WNK1: variants seen among roughly 807,000 people sequenced by gnomAD.
WNK1 encodes the protein WNK lysine deficient protein kinase 1, also known as serine/threonine-protein kinase WNK1.
WNK1 carries 38 observed loss-of-function variants against 222.8 expected under a neutral mutation model. The ratio of observed to expected loss-of-function variants is 0.17; its 90% confidence interval spans 0.13 to 0.22. WNK1 has a LOEUF of 0.22. WNK1 is among the 10% of genes least tolerant of loss of function. WNK1 has a pLI of 1.00. For missense variants in WNK1, 2,348 were observed against 2,918.4 expected, an observed-to-expected ratio of 0.80 and a Z score of 4.50; for synonymous variants, 1,090 against 1,092.9, an observed-to-expected ratio of 1.00 and a Z score of 0.05.
chr12:905,790 C>G (rs1955645249), intron 26 of WNK1, among the ~76,000 whole-genome samples: 1 of 152,176 alleles, frequency 6.6e-6, no homozygotes, highest in African/African-American at 2.4e-5. Flanking sequence ...CTCGCGTTTC[C>G]TGTACTGTAG....
chr12:759,884 A>G (rs895008582), intron 1 of WNK1, among the ~76,000 whole-genome samples: 4 of 148,254 alleles, frequency 2.7e-5, no homozygotes, highest in Non-Finnish European at 4.5e-5. Flanking sequence ...ATGAACATAT[A>G]TAAAACATGT....
intron 1 of WNK1, among the ~76,000 whole-genome samples, chr12:811,593 T>C (rs2154007468): frequency 6.6e-6 from 1 of 152,314 alleles, no homozygotes; most frequent in Admixed American, 6.5e-5. Flanking sequence ...ACCCCAGGTG[T>C]TCCTTCTGAT....
At position 881,012 on chromosome 12, in the gene WNK1, A is replaced by C; in HGVS notation, c.3111+13A>C. 1 of 1,614,120 alleles carries C rather than the reference A, an allele frequency of 6.2e-7. No homozygotes were observed. The highest frequency in any genetic ancestry group is 8.5e-7 in the Non-Finnish European group (1 of 1,180,006). ...AGCAGTTTTGGAGGTAAATAGAATT[A>C]CTGCATGTTTATATGTAAAACGTAT... On this transcript the variant is annotated intron_variant, in intron 12 of 27. Coordinates refer to ENST00000315939, the MANE Select transcript of WNK1 (RefSeq NM_018979.4).
rs1343142524 is a variant in WNK1 at position 865,106 on chromosome 12, T to C, written c.2139+2836T>C. On this transcript the variant is annotated intron_variant, in intron 8 of 27. Transcript: ENST00000315939. ...TTTCATGTGTGTGTTTGTTTTGTGT[T>C]GAGCCTCGTCGTGGCCGTAGCATGT... 3.5e-5 allele frequency: 53 copies of C among 1,507,406 alleles called. No individual in the cohort carries two copies. Among genetic ancestry groups the C allele is most frequent in the Non-Finnish European group, 4.1e-5 (46 of 1,130,434 alleles). The allele number at this position is 1,507,406 out of a possible 1,614,324, so 93.4% of individuals were successfully genotyped here. A position where few individuals can be genotyped will look rare whatever the true frequency, so the allele number is the denominator to read the frequency against.
intron 1 of WNK1, among the ~76,000 whole-genome samples, chr12:776,260 C>G (rs1322128640): frequency 6.6e-6 from 1 of 152,046 alleles, no homozygotes; most frequent in African/African-American, 2.4e-5. Flanking sequence ...GTCTCCAACT[C>G]TTGGCCACAA....
At chr12:844,526 G>A (rs1334535995) in intron 4 of WNK1, among the ~76,000 whole-genome samples, 1 of 152,136 alleles carries the variant, frequency 6.6e-6, no homozygotes, top group Non-Finnish European at 1.5e-5. Flanking sequence ...TTGGAACTGT[G>A]CTAGAATCCT....
intron 1 of WNK1, among the ~76,000 whole-genome samples, chr12:756,000 A>T (rs754734199): frequency 6.6e-6 from 1 of 152,214 alleles, no homozygotes; most frequent in Non-Finnish European, 1.5e-5. Flanking sequence ...AACAACAACA[A>T]AAAAACTTAT....
intron 1 of WNK1, among the ~76,000 whole-genome samples, chr12:758,448 C>T (rs1311174412): frequency 6.5e-5 from 7 of 108,262 alleles, no homozygotes; most frequent in African/African-American, 1.3e-4. Flanking sequence ...ACTGCAGTGG[C>T]GCAATCTCGG....
At chr12:891,735 C>A (rs1458073739) in intron 22 of WNK1, among the ~76,000 whole-genome samples, 1 of 151,252 alleles carries the variant, frequency 6.6e-6, no homozygotes, top group Admixed American at 6.6e-5. Flanking sequence ...CACTATTTTA[C>A]AGTAAAACTA....
chr12:825,719 C>T (rs1204646564), intron 2 of WNK1, among the ~76,000 whole-genome samples: 1 of 151,796 alleles, frequency 6.6e-6, no homozygotes, highest in Non-Finnish European at 1.5e-5. Flanking sequence ...ATAGAAATTA[C>T]AAAAATTAAA....
chr12:890,076 C>T (rs1465840932), intron 21 of WNK1, among the ~76,000 whole-genome samples: 1 of 151,674 alleles, frequency 6.6e-6, no homozygotes, highest in African/African-American at 2.4e-5. Context: ...CCTCAGCCTC[C>T]CGAGTAGCTG....
Position 907,962 on chromosome 12 carries a change from G to A in WNK1, c.6759G>A (p.Leu2253=). ...KGTFTDDLHK[L]VDNWARDAMN... ...CATTCACAGATGACTTGCACAAGTT[G>A]GTAGACAATTGGGCCCGAGATGCCA... Residue 2253 remains leucine (L), a synonymous_variant, in exon 27 of 28, where the codon TTG becomes TTA. Coordinates refer to ENST00000315939, the MANE Select transcript of WNK1 (RefSeq NM_018979.4). The A allele has an allele frequency of 6.2e-7, 1 of 1,614,138 alleles. No homozygotes were observed. Among genetic ancestry groups the A allele is most frequent in the Non-Finnish European group, 8.5e-7 (1 of 1,180,016 alleles).
intron 10 of WNK1, among the ~76,000 whole-genome samples, chr12:878,772 T>G (rs901316161): frequency 1.6e-5 from 2 of 125,522 alleles, no homozygotes; most frequent in Non-Finnish European, 3.7e-5. Context: ...CTGCACTGTT[T>G]ACTGTGTGGA....
chr12:823,316 G>C (rs1464550642), intron 2 of WNK1, among the ~76,000 whole-genome samples: 1 of 152,022 alleles, frequency 6.6e-6, no homozygotes, highest in Non-Finnish European at 1.5e-5. Context: ...GTAGATTCAT[G>C]TCTTTTACTA....
rs910166853 is a variant in WNK1 at position 884,043 on chromosome 12, A to G, written c.3722-78A>G. 3.1e-6 allele frequency: 5 copies of G among 1,599,946 alleles called. No individual in the cohort carries two copies. Among genetic ancestry groups the G allele is most frequent in the Non-Finnish European group, 4.3e-6 (5 of 1,169,632 alleles). On this transcript the variant is annotated intron_variant, in intron 17 of 27. Coordinates refer to ENST00000315939, the MANE Select transcript of WNK1 (RefSeq NM_018979.4). The surrounding 1 kb of genome is among the most constrained non-coding windows in gnomAD (Gnocchi z 5.6). ...ACCGTGCCTCAAAAAAAGCAGTTGT[A>G]TGTGCCAATAATGAAGTCTAACAAT...
intron 1 of WNK1, among the ~76,000 whole-genome samples, chr12:809,928 A>G (rs1346117516): frequency 2.0e-5 from 3 of 152,106 alleles, no homozygotes; most frequent in Non-Finnish European, 2.9e-5. Context: ...CTTTATCCTA[A>G]TACCCAACAA....
At chr12:865,445 G>A (rs1482342105) in intron 8 of WNK1, 3 of 1,464,092 alleles carry the variant, frequency 2.0e-6, no homozygotes, top group African/African-American at 1.4e-5. Context: ...AATTAAAATT[G>A]AATAAAGAAC....
At chr12:789,714 G>T (rs1565433444) in intron 1 of WNK1, among the ~76,000 whole-genome samples, 1 of 152,016 alleles carries the variant, frequency 6.6e-6, no homozygotes, top group South Asian at 2.1e-4. Context: ...ACTTCTGAAA[G>T]CATAGAGTTT....
At chr12:794,302 A>C (rs1364478052) in intron 1 of WNK1, among the ~76,000 whole-genome samples, 9 of 152,172 alleles carry the variant, frequency 5.9e-5, no homozygotes, top group Non-Finnish European at 1.3e-4. Flanking sequence ...GTTATATGGT[A>C]ATTCTGTTGA....
Sources: allele counts gnomAD v4.1 joint callset (sites outside exome capture counted in the v4.1 genomes callset), GRCh38; gene constraint gnomAD v4.1.1; non-coding constraint Gnocchi (gnomAD v3.1); transcripts MANE v1.5; gene names NCBI Gene and HGNC (gene_info 2026-07-23, HGNC 2026-07-21).